Variants in NDUFS6 observed in about 807,000 individuals in gnomAD.
NDUFS6 encodes NADH dehydrogenase [ubiquinone] iron-sulfur protein 6, mitochondrial.
In NDUFS6, 14 loss-of-function variants were observed where a neutral mutation model predicts 13.2. The observed-to-expected ratio is 1.06, with a 90% CI of 0.70 to 1.66. The LOEUF is 1.66. NDUFS6 is among the 40% of genes most tolerant of loss of function. The probability of loss-of-function intolerance (pLI) is 0.00; values close to 1 mark genes in which losing one functional copy is unlikely to be tolerated. For missense variants in NDUFS6, 206 were observed against 170.8 expected (o/e 1.21, Z -1.15); for synonymous variants, 95 against 72.3 (o/e 1.31, Z -1.60).
chr5:1,802,793 G>A (rs1248777209), intron 2 of NDUFS6, among the ~76,000 whole-genome samples: 1 of 152,140 alleles, frequency 6.6e-6, no homozygotes, highest in Non-Finnish European at 1.5e-5. Flanking sequence ...TGGCACATGA[G>A]TTTTTCTTCC....
chr5:1,806,877 C>T (rs577915211), intron 2 of NDUFS6, among the ~76,000 whole-genome samples: 15 of 152,322 alleles, frequency 9.8e-5, no homozygotes, highest in African/African-American at 1.9e-4. Flanking sequence ...TTCATTATAA[C>T]TCAAATCTGG....
chr5:1,813,627 A>G (rs1310075961), intron 2 of NDUFS6, among the ~76,000 whole-genome samples: 1 of 152,204 alleles, frequency 6.6e-6, no homozygotes, highest in African/African-American at 2.4e-5. Context: ...CCGTTTTGAT[A>G]GTAACTGAAA....
chr5:1,812,767 T>C (rs574850321), intron 2 of NDUFS6, among the ~76,000 whole-genome samples: 206 of 151,800 alleles, frequency 1.4e-3, no homozygotes, highest in Middle Eastern at 3.4e-3. Flanking sequence ...AAAGGGTGTG[T>C]GTAGGCCAGG....
Position 1,814,661 on chromosome 5 carries a change from T to G in NDUFS6, c.309+200T>G. 1.2e-6 allele frequency: 1 copy of G among 831,098 alleles called. No individual in the cohort carries two copies. The allele number at this position is 831,098 out of a possible 1,614,324, so 51.5% of individuals were successfully genotyped here. On this transcript the variant is annotated intron_variant, in intron 3 of 3. Coordinates refer to ENST00000274137, the MANE Select transcript of NDUFS6 (RefSeq NM_004553.6). The surrounding 1 kb of genome is among the most constrained non-coding windows in gnomAD (Gnocchi z 4.9). The stretch of plus-strand genomic sequence containing the variant: ...AGAGCCGCCTGTCCGAAAACCCCCT[T>G]TCAACTGTGAAGTGGTGGGCGGCAT...
chr5:1,813,404 C>G (rs972302170), intron 2 of NDUFS6, among the ~76,000 whole-genome samples: 1 of 152,138 alleles, frequency 6.6e-6, no homozygotes, highest in Non-Finnish European at 1.5e-5. Flanking sequence ...CGATCGTGCT[C>G]GCGTCCTCCT....
rs1381325256 is a variant in NDUFS6 at position 1,801,561 on chromosome 5, T to A, written c.132+12T>A. On this transcript the variant is annotated intron_variant, in intron 1 of 3. Transcript: ENST00000274137. ...CGCACACTGGCCAGGTAACGGCCGC[T>A]GGGTACAGGATGCACCTTCCTCCAG... 1.9e-6 allele frequency: 3 copies of A among 1,576,046 alleles called. No homozygotes were observed. The East Asian group carries it at 6.9e-5, about 36-fold the overall frequency.
chr5:1,803,450 G>A (rs4147769), intron 2 of NDUFS6, among the ~76,000 whole-genome samples: 111,985 of 152,038 alleles, frequency 0.74, 44,378 homozygotes, highest in Non-Finnish European at 0.88. Context: ...GGTGGAGAGG[G>A]GCTTGTGTCT....
intron 2 of NDUFS6, among the ~76,000 whole-genome samples, chr5:1,802,776 C>A (rs977531789): frequency 5.9e-5 from 9 of 152,264 alleles, no homozygotes; most frequent in African/African-American, 2.2e-4. Flanking sequence ...CACTGACAAG[C>A]TGAAAATGGC....
intron 2 of NDUFS6, among the ~76,000 whole-genome samples, chr5:1,809,442 C>A (rs1338134651): frequency 6.6e-6 from 1 of 152,158 alleles, no homozygotes; most frequent in Non-Finnish European, 1.5e-5. Flanking sequence ...GAACCCGGAG[C>A]CGGGCTCTGT....
intron 2 of NDUFS6, among the ~76,000 whole-genome samples, chr5:1,812,573 C>T (rs1310311936): frequency 1.6e-5 from 2 of 128,852 alleles, no homozygotes; most frequent in South Asian, 2.4e-4. Context: ...ACTTCCCTGA[C>T]TTGTGCCACA....
chr5:1,810,184 C>T lies in NDUFS6; in HGVS notation c.187-4155C>T, dbSNP rs4147771. Among the ~76,000 whole-genome samples, 65 of 152,268 alleles carry T rather than the reference C, an allele frequency of 4.3e-4. No individual in the cohort carries two copies. In the East Asian group the frequency reaches 5.8e-3, roughly 14 times the overall value. ...TGCTGCTTCCACTCTGGGGCGGGGA[C>T]GCTGTAGAAGGAGCACAAAGTTTCA... On this transcript the variant is annotated intron_variant, in intron 2 of 3. Coordinates refer to ENST00000274137, the MANE Select transcript of NDUFS6 (RefSeq NM_004553.6).
intron 2 of NDUFS6, among the ~76,000 whole-genome samples, chr5:1,809,767 C>T (rs935005957): frequency 3.3e-5 from 5 of 152,330 alleles, no homozygotes; most frequent in African/African-American, 9.6e-5. Flanking sequence ...TTAGTTGCAT[C>T]GCCTGCAGCA....
chr5:1,809,075 C>G (rs1370064302), intron 2 of NDUFS6, among the ~76,000 whole-genome samples: 3 of 152,158 alleles, frequency 2.0e-5, no homozygotes, highest in Non-Finnish European at 4.4e-5. Flanking sequence ...CAGTTTGACA[C>G]AATAGGACTT....
chr5:1,809,184 G>A (rs565548399), intron 2 of NDUFS6, among the ~76,000 whole-genome samples: 4 of 152,234 alleles, frequency 2.6e-5, no homozygotes, highest in East Asian at 1.9e-4. Context: ...CATTAGTGAC[G>A]GGCGAGGGAC....
rs1734263767 is a variant in NDUFS6 at position 1,814,061 on chromosome 5, G to A, written c.187-278G>A. On this transcript the variant is annotated intron_variant, in intron 2 of 3. Coordinates refer to ENST00000274137, the MANE Select transcript of NDUFS6 (RefSeq NM_004553.6). The surrounding 1 kb of genome is among the most constrained non-coding windows in gnomAD (Gnocchi z 4.9). The stretch of plus-strand genomic sequence containing the variant: ...AAGAGGGCGTGGCAGAGCCCACGGG[G>A]CACGTGTCAGCATTTGCTGGGTCCA... Among the ~76,000 whole-genome samples, 1 of 152,238 alleles carries A rather than the reference G, an allele frequency of 6.6e-6. No individual in the cohort carries two copies. Among genetic ancestry groups the A allele is most frequent in the Non-Finnish European group, 1.5e-5 (1 of 68,044 alleles).
intron 2 of NDUFS6, among the ~76,000 whole-genome samples, chr5:1,813,166 C>CT (rs948876411): frequency 1.3e-5 from 2 of 152,308 alleles, no homozygotes; most frequent in African/African-American, 4.8e-5. Flanking sequence ...GCTGACCTCT[C>CT]TATTTCCTTC....
intron 2 of NDUFS6, among the ~76,000 whole-genome samples, chr5:1,813,394 C>T (rs760520864): frequency 7.2e-5 from 11 of 152,158 alleles, no homozygotes; most frequent in East Asian, 1.9e-4. Flanking sequence ...GAAAGTCTAA[C>T]GATCGTGCTC....
At chr5:1,812,670 G>T (rs1458248726) in intron 2 of NDUFS6, among the ~76,000 whole-genome samples, 1 of 150,978 alleles carries the variant, frequency 6.6e-6, no homozygotes, top group Non-Finnish European at 1.5e-5. Context: ...CCTTCCCTTC[G>T]GTGTGAAATG....
At chr5:1,812,008 C>T (rs184133984) in intron 2 of NDUFS6, among the ~76,000 whole-genome samples, 56 of 152,264 alleles carry the variant, frequency 3.7e-4, no homozygotes, top group African/African-American at 1.3e-3. Context: ...CTATATTTAC[C>T]AGTCTTTAAT....
Sources: gnomAD v4.1 joint callset for allele counts (sites outside exome capture counted in the v4.1 genomes callset) on GRCh38, gnomAD v4.1.1 for gene constraint, Gnocchi (gnomAD v3.1) non-coding constraint, MANE v1.5 for transcripts, NCBI Gene and HGNC (gene_info 2026-07-23, HGNC 2026-07-21) for gene names.